PLPPR5: variants seen among roughly 807,000 people sequenced by gnomAD.
PLPPR5 encodes phospholipid phosphatase related 5.
In PLPPR5, 16 loss-of-function variants were observed where a neutral mutation model predicts 33.9. The ratio of observed to expected loss-of-function variants is 0.47; its 90% CI spans 0.32 to 0.72. The LOEUF is 0.72. PLPPR5 is among the 30% of genes least tolerant of loss of function. PLPPR5 has a pLI of 0.03. For synonymous variants in PLPPR5, 163 were observed against 150.3 expected (o/e 1.08, Z -0.62); for missense variants, 301 against 406.7 (o/e 0.74, Z 2.23).
intron 5 of PLPPR5, among the ~76,000 whole-genome samples, chr1:98,894,387 T>C (rs1300653543): frequency 6.6e-6 from 1 of 152,140 alleles, no homozygotes; most frequent in Non-Finnish European, 1.5e-5. Context: ...ATGATTGAAT[T>C]AAAACAATAA....
intron 5 of PLPPR5, among the ~76,000 whole-genome samples, chr1:98,906,640 G>A (rs1648911885): frequency 6.6e-6 from 1 of 152,136 alleles, no homozygotes; most frequent in South Asian, 2.1e-4. Context: ...TCTGCCTAAG[G>A]AAGGAAATAG....
intron 1 of PLPPR5, among the ~76,000 whole-genome samples, chr1:98,990,011 C>G (rs1652395548): frequency 6.6e-6 from 1 of 152,080 alleles, no homozygotes; most frequent in African/African-American, 2.4e-5. Context: ...GAAAGATGAT[C>G]TTAAGTCATC....
intron 4 of PLPPR5, among the ~76,000 whole-genome samples, chr1:98,920,238 C>T (rs1479961178): frequency 6.6e-6 from 1 of 151,940 alleles, no homozygotes. Flanking sequence ...GGGAAGGTGG[C>T]AATAGCGACA....
At chr1:98,995,411 A>G (rs537468675) in intron 1 of PLPPR5, among the ~76,000 whole-genome samples, 122 of 152,254 alleles carry the variant, frequency 8.0e-4, no homozygotes, top group African/African-American at 2.5e-3. Flanking sequence ...AACCACTGTG[A>G]CATGCGATTT....
intron 3 of PLPPR5, among the ~76,000 whole-genome samples, chr1:98,944,780 T>C (rs963977408): frequency 6.6e-6 from 1 of 152,206 alleles, no homozygotes; most frequent in Non-Finnish European, 1.5e-5. Context: ...ACCTGGGCCA[T>C]GGATCCAGCA....
At chr1:98,943,620 G>C (rs1650456284) in intron 3 of PLPPR5, among the ~76,000 whole-genome samples, 1 of 152,148 alleles carries the variant, frequency 6.6e-6, no homozygotes, top group Admixed American at 6.5e-5. Context: ...CTTGACAAGA[G>C]GAGTAACTAC....
chr1:98,941,249 C>G (rs1650357560), intron 3 of PLPPR5, among the ~76,000 whole-genome samples: 1 of 151,680 alleles, frequency 6.6e-6, no homozygotes. Flanking sequence ...TATAATGTTT[C>G]CAACATATTA....
intron 3 of PLPPR5, among the ~76,000 whole-genome samples, chr1:98,922,834 A>C (rs1649617981): frequency 6.6e-6 from 1 of 152,086 alleles, no homozygotes; most frequent in Non-Finnish European, 1.5e-5. Context: ...GAATACAAAA[A>C]ATCAGCTGGG....
intron 3 of PLPPR5, among the ~76,000 whole-genome samples, chr1:98,922,264 T>G (rs541201865): frequency 4.0e-4 from 61 of 152,364 alleles, no homozygotes; most frequent in African/African-American, 1.4e-3. Context: ...ACTTACCTCG[T>G]ATGGCAATCT....
chr1:98,993,579 A>G (rs1652532936), intron 1 of PLPPR5, among the ~76,000 whole-genome samples: 1 of 152,038 alleles, frequency 6.6e-6, no homozygotes, highest in Admixed American at 6.6e-5. Context: ...ATTGTCACCA[A>G]CCCAAAAATA....
chr1:98,904,219 T>C (rs1648808219), intron 5 of PLPPR5, among the ~76,000 whole-genome samples: 1 of 151,722 alleles, frequency 6.6e-6, no homozygotes, highest in Non-Finnish European at 1.5e-5. Flanking sequence ...TTATCCTAAG[T>C]ATAAAACTGA....
At chr1:98,903,776 A>G (rs568505423) in intron 5 of PLPPR5, among the ~76,000 whole-genome samples, 2 of 152,106 alleles carry the variant, frequency 1.3e-5, no homozygotes, top group South Asian at 4.1e-4. Context: ...CATTGTATCA[A>G]TTCTTCAGAT....
At chr1:98,947,037 G>C (rs757393684) in intron 3 of PLPPR5, among the ~76,000 whole-genome samples, 2 of 152,110 alleles carry the variant, frequency 1.3e-5, no homozygotes, top group Non-Finnish European at 2.9e-5. Context: ...TCCTAGAATA[G>C]AAAGTCCTCT....
At chr1:98,898,364 AAAGATAGG>A (rs1469675521) in intron 5 of PLPPR5, among the ~76,000 whole-genome samples, 1 of 152,174 alleles carries the variant, frequency 6.6e-6, no homozygotes, top group Non-Finnish European at 1.5e-5. Context: ...TGCATCAGGA[AAAGATAGG>A]TGGATGTCAT....
Position 98,891,392 on chromosome 1 carries a change from G to A in PLPPR5, c.*1680C>T, listed in dbSNP as rs1648268488. On this transcript the variant is annotated 3_prime_UTR_variant, in exon 6 of 6. Transcript: ENST00000263177. ...AGTTTGCTTTCTTTAGTACTGTAAA[G>A]TTTAGAAAGATTCATTTCAGTCAAT... 1 of 152,044 alleles carries A rather than the reference G, an allele frequency of 6.6e-6. No homozygotes were observed. The highest frequency in any genetic ancestry group is 1.5e-5 in the Non-Finnish European group (1 of 68,004). 9.4% of individuals were successfully genotyped at this position (152,044 alleles called of 1,614,324 possible).
intron 1 of PLPPR5, among the ~76,000 whole-genome samples, chr1:98,968,974 C>G (rs1304715728): frequency 6.6e-6 from 1 of 152,066 alleles, no homozygotes; most frequent in Non-Finnish European, 1.5e-5. Context: ...GTAGCTTAAG[C>G]TTTCTCGTAT....
Position 98,955,501 on chromosome 1 carries a change from T to A in PLPPR5, c.370+1108A>T, listed in dbSNP as rs12058608. ...TTGATACATGTGAAAAAATAACTTTTAAGGTTTCATATAAAAGTTGTCCCT... is the reference window on the plus strand; with the variant it reads ...TTGATACATGTGAAAAAATAACTTTAAAGGTTTCATATAAAAGTTGTCCCT... On this transcript the variant is annotated intron_variant, in intron 2 of 5. Transcript: ENST00000263177. 7.7e-3 allele frequency among the ~76,000 whole-genome samples: 1,176 copies of A among 152,220 alleles called. 14 individuals carry two copies. Among genetic ancestry groups the A allele is most frequent in the African/African-American group, 0.027 (1,118 of 41,586 alleles).
intron 5 of PLPPR5, among the ~76,000 whole-genome samples, chr1:98,893,618 CTTT>C (rs58092144): frequency 2.2e-5 from 2 of 90,074 alleles, no homozygotes; most frequent in East Asian, 7.4e-4. Flanking sequence ...TTCACAGCGC[CTTT>C]TTTTTTTTTT....
chr1:98,930,181 G>A (rs906758115), intron 3 of PLPPR5, among the ~76,000 whole-genome samples: 4 of 152,100 alleles, frequency 2.6e-5, no homozygotes, highest in African/African-American at 7.2e-5. Context: ...AAATGAAGTA[G>A]AACCTGCAAA....
Sources: allele counts gnomAD v4.1 joint callset (sites outside exome capture counted in the v4.1 genomes callset), GRCh38; gene constraint gnomAD v4.1.1; transcripts MANE v1.5; gene names NCBI Gene and HGNC (gene_info 2026-07-23, HGNC 2026-07-21).